The following DPP6 variants were observed in gnomAD, a reference collection of about 807,000 sequenced individuals.
The protein encoded by DPP6 is A-type potassium channel modulatory protein DPP6.
Under a neutral mutation model 122.6 loss-of-function variants are expected in DPP6, and 69 were observed. That is an observed-to-expected ratio of 0.56 (90% confidence interval 0.46 to 0.69). DPP6 has a LOEUF of 0.69. Among genes scored for constraint, DPP6 ranks in the 30% least tolerant of loss-of-function variants. The pLI, the probability that DPP6 is intolerant of heterozygous loss-of-function variation, is 0.00. For synonymous variants in DPP6, 418 were observed against 433.1 expected (o/e 0.97, Z 0.43); for missense variants, 928 against 1,116.9 (o/e 0.83, Z 2.41).
intron 1 of DPP6, among the ~76,000 whole-genome samples, chr7:154,425,567 T>G (rs113337001): frequency 0.023 from 3,423 of 151,868 alleles, 132 homozygotes; most frequent in African/African-American, 0.078. Flanking sequence ...GGAATGGAAT[T>G]TCTTTCTTCT....
chr7:154,028,031 G>C (rs986855385), intron 1 of DPP6, among the ~76,000 whole-genome samples: 1 of 151,360 alleles, frequency 6.6e-6, no homozygotes, highest in Non-Finnish European at 1.5e-5. Context: ...GCAGTCCACA[G>C]ACCACTGCAT....
At chr7:154,611,114 A>G (rs1833885681) in intron 5 of DPP6, among the ~76,000 whole-genome samples, 1 of 152,148 alleles carries the variant, frequency 6.6e-6, no homozygotes, top group Non-Finnish European at 1.5e-5. Flanking sequence ...AAAGGGCCTA[A>G]TTATAGCTGT....
chr7:154,267,566 T>G (rs1170672903), intron 1 of DPP6, among the ~76,000 whole-genome samples: 1 of 148,980 alleles, frequency 6.7e-6, no homozygotes, highest in Admixed American at 6.7e-5. Flanking sequence ...TATACACACA[T>G]GTACACACAC....
chr7:154,778,948 C>G (rs535681123), intron 10 of DPP6, among the ~76,000 whole-genome samples: 24 of 140,776 alleles, frequency 1.7e-4, no homozygotes, highest in African/African-American at 5.9e-4. Context: ...ACTTCCACCA[C>G]CAGCTCTACC....
chr7:154,021,337 A>G (rs1263237046), intron 1 of DPP6, among the ~76,000 whole-genome samples: 1 of 152,152 alleles, frequency 6.6e-6, no homozygotes, highest in Non-Finnish European at 1.5e-5. Context: ...GAGTTTGCCA[A>G]GTCCTGCAGC....
At chr7:154,183,974 G>T (rs962929220) in intron 1 of DPP6, among the ~76,000 whole-genome samples, 1 of 152,190 alleles carries the variant, frequency 6.6e-6, no homozygotes, top group East Asian at 1.9e-4. Flanking sequence ...TGAAATACCT[G>T]TCCATTCCCT....
At chr7:154,574,756 G>T (rs2130602358) in intron 5 of DPP6, among the ~76,000 whole-genome samples, 1 of 137,084 alleles carries the variant, frequency 7.3e-6, no homozygotes, top group South Asian at 2.4e-4. Context: ...TGTGTGTTGT[G>T]TGTGTATATG....
At chr7:154,030,749 C>T (rs1012454631) in intron 1 of DPP6, among the ~76,000 whole-genome samples, 9 of 152,116 alleles carry the variant, frequency 5.9e-5, no homozygotes, top group African/African-American at 2.2e-4. Context: ...CTTCCCCACT[C>T]CCAGCCATAG....
Position 154,839,758 on chromosome 7 carries a change from C to T in DPP6, c.1667-14022C>T, listed in dbSNP as rs1317517512. On this transcript the variant is annotated intron_variant, in intron 16 of 25. Coordinates refer to ENST00000377770, the MANE Select transcript of DPP6 (RefSeq NM_130797.4). ...GGTGCTCAGGCAAAGAACAGCACAGCCCCCACGCAGGAACGAGGAGTCCAG... is the reference window on the plus strand; with the variant it reads ...GGTGCTCAGGCAAAGAACAGCACAGTCCCCACGCAGGAACGAGGAGTCCAG... Among the ~76,000 whole-genome samples the T allele has an allele frequency of 2.0e-5, 3 of 152,066 alleles. No homozygotes were observed. In the East Asian group the frequency reaches 5.8e-4, roughly 29 times the overall value.
At chr7:154,536,621 A>C (rs10246358) in intron 3 of DPP6, among the ~76,000 whole-genome samples, 2,596 of 152,244 alleles carry the variant, frequency 0.017, 69 homozygotes, top group African/African-American at 0.059. Flanking sequence ...AAACAGCAAA[A>C]TCCTAAGGAA....
At chr7:153,885,824 T>G (rs1178727254), upstream of DPP6, among the ~76,000 whole-genome samples, 15 of 152,196 alleles carry the variant, frequency 9.9e-5, no homozygotes, top group Admixed American at 9.2e-4. Context: ...ATCATTAGTT[T>G]ACACTTGTAA....
chr7:154,176,930 C>T (rs894507174), intron 1 of DPP6, among the ~76,000 whole-genome samples: 1 of 152,060 alleles, frequency 6.6e-6, no homozygotes, highest in Admixed American at 6.6e-5. Context: ...ATCTTCTGGG[C>T]TCAAGCCATC....
chr7:154,058,900 G>A (rs1262183792), intron 1 of DPP6: 7 of 149,236 alleles, frequency 4.7e-5, no homozygotes, highest in African/African-American at 1.5e-4. Flanking sequence ...TGGGGACTGA[G>A]AGCTATCCCC....
chr7:154,282,975 G>A lies in DPP6; in HGVS notation c.244-163239G>A, dbSNP rs552612470. On this transcript the variant is annotated intron_variant, in intron 1 of 25. Coordinates refer to ENST00000377770, the MANE Select transcript of DPP6 (RefSeq NM_130797.4). The surrounding 1 kb of genome is among the most constrained non-coding windows in gnomAD (Gnocchi z 4.8). ...TCAAGGGCATCAGACATCAGAACAC[G>A]TCTCTCTCTGGACTCAGGGACAATA... 1.1e-4 allele frequency among the ~76,000 whole-genome samples: 17 copies of A among 152,200 alleles called. No individual in the cohort carries two copies. Among genetic ancestry groups the A allele is most frequent in the East Asian group, 3.9e-4 (2 of 5,162 alleles).
chr7:154,488,515 T>C (rs61303961), intron 3 of DPP6, among the ~76,000 whole-genome samples: 13,614 of 151,662 alleles, frequency 0.09, 1,850 homozygotes, highest in African/African-American at 0.3. Flanking sequence ...TCTATTTTCT[T>C]GCTTTAACTG....
chr7:154,314,406 T>G (rs947130193), intron 1 of DPP6, among the ~76,000 whole-genome samples: 4 of 152,246 alleles, frequency 2.6e-5, no homozygotes, highest in Non-Finnish European at 4.4e-5. Flanking sequence ...ATGTCCCATT[T>G]TTAAGATGAT....
At chr7:153,753,289 A>G in the DPP6 span, among the ~76,000 whole-genome samples, 1 of 151,984 alleles carries the variant, frequency 6.6e-6, no homozygotes, top group South Asian at 2.1e-4. Context: ...TTGTACCATT[A>G]TTTTCAAAAA....
chr7:154,176,038 G>C (rs1197004018), intron 1 of DPP6, among the ~76,000 whole-genome samples: 2 of 152,114 alleles, frequency 1.3e-5, no homozygotes, highest in Non-Finnish European at 2.9e-5. Flanking sequence ...AACTGTCTAT[G>C]TGCAGGGTCC....
rs964625790 is a variant in DPP6 at position 154,071,893 on chromosome 7, G to C, written c.243+18830G>C. On this transcript the variant is annotated intron_variant, in intron 1 of 25. Transcript: ENST00000377770. ...ACAAGGGAAAAATGCAGCTAAATTA[G>C]TCTAAAATCTCGATCCCTTGAAAAC... Among the ~76,000 whole-genome samples, 4 of 152,120 alleles carry C rather than the reference G, an allele frequency of 2.6e-5. No homozygotes were observed. In the East Asian group the frequency reaches 5.8e-4, roughly 22 times the overall value.
Sources: gnomAD v4.1 joint callset for allele counts (sites outside exome capture counted in the v4.1 genomes callset) on GRCh38, gnomAD v4.1.1 for gene constraint, Gnocchi (gnomAD v3.1) non-coding constraint, MANE v1.5 for transcripts, NCBI Gene and HGNC (gene_info 2026-07-23, HGNC 2026-07-21) for gene names.